The following TIMM50 variants were observed in gnomAD, a reference collection of about 807,000 sequenced individuals.
TIMM50 encodes the protein translocase of inner mitochondrial membrane 50.
A neutral mutation model predicts 49.6 loss-of-function variants in TIMM50; 34 were observed. The ratio of observed to expected loss-of-function variants is 0.69; its 90% CI spans 0.52 to 0.91. The LOEUF is 0.91. Ranked by LOEUF, TIMM50 falls within the 40% of genes least tolerant of loss-of-function variation. TIMM50 has a pLI of 0.00. For missense variants in TIMM50, 458 were observed against 477.8 expected, an observed-to-expected ratio of 0.96 and a Z score of 0.39; for synonymous variants, 199 against 198.4, an observed-to-expected ratio of 1.00 and a Z score of -0.03.
rs1215324178 is a variant in TIMM50 at position 39,491,665 on chromosome 19, C to A, written c.*1845C>A. On this transcript the variant is annotated 3_prime_UTR_variant, in exon 11 of 11. Coordinates refer to ENST00000607714, the MANE Select transcript of TIMM50 (RefSeq NM_001001563.5). ...TGAAATCCTGCCTCTAAAAAAAAAACAAAGTAACGAGCCCAGCGAGGTTAT... is the reference window on the plus strand; with the variant it reads ...TGAAATCCTGCCTCTAAAAAAAAAAAAAAGTAACGAGCCCAGCGAGGTTAT... The A allele has an allele frequency of 3.3e-5, 5 of 149,726 alleles. No homozygotes were observed. Among genetic ancestry groups the A allele is most frequent in the East Asian group, 2.0e-4 (1 of 4,962 alleles). The allele number at this position is 149,726 out of a possible 1,614,324, so 9.3% of individuals were successfully genotyped here.
At position 39,480,881 on chromosome 19, in the gene TIMM50, C is replaced by T. The variant is rs768161958; in HGVS notation, c.28C>T (p.Arg10Cys). Residue 10 changes from arginine (R) to cysteine (C), a missense_variant, in exon 1 of 11, where the codon CGC (arginine) becomes TGC (cysteine). Transcript: ENST00000607714. Reference protein sequence around the residue: MAASAAVFSRLRSGLRLGSR... With the variant: MAASAAVFSCLRSGLRLGSR... ...GGCGGCCTCGGCAGCGGTGTTCTCG[C>T]GCTTGCGAAGCGGGCTCCGGCTCGG... 53 of 1,599,568 alleles carry T rather than the reference C, an allele frequency of 3.3e-5. No individual in the cohort carries two copies. In the Middle Eastern group the frequency reaches 6.8e-4, roughly 20 times the overall value.
chr19:39,492,845 T>TG lies in TIMM50; in HGVS notation c.*3028dup, dbSNP rs1337515061. On this transcript the variant is annotated 3_prime_UTR_variant, in exon 11 of 11. Coordinates refer to ENST00000607714, the MANE Select transcript of TIMM50 (RefSeq NM_001001563.5). ...GAGATCACACCATTGCACTCCAGCC[T>TG]GGGCGACAGAGTAAGGCTCTGTCTC... The TG allele has an allele frequency of 9.1e-6, 1 of 109,324 alleles. No individual in the cohort carries two copies. Among genetic ancestry groups the TG allele is most frequent in the African/African-American group, 3.6e-5 (1 of 27,864 alleles). 6.8% of individuals were successfully genotyped at this position (109,324 alleles called of 1,614,324 possible).
chr19:39,483,062 GATT>G (rs1201231256), intron 3 of TIMM50, 70 bp from the exon 4 acceptor site: 5 of 1,611,142 alleles, frequency 3.1e-6, no homozygotes, highest in Non-Finnish European at 4.2e-6. Context: ...GGGTCCTGGA[GATT>G]CCTTTTCTGT....
At chr19:39,481,792 G>T in intron 1 of TIMM50, 91 bp from the exon 2 acceptor site, 1 of 1,501,252 alleles carries the variant, frequency 6.7e-7, no homozygotes, top group South Asian at 1.2e-5. Flanking sequence ...TCTGCCTCTT[G>T]GCTCCTGAAC....
At chr19:39,483,483 T>C in intron 4 of TIMM50, 8 of 331,526 alleles carry the variant, frequency 2.4e-5, no homozygotes, top group South Asian at 6.2e-5. Context: ...TCCTTCCCCA[T>C]CCCCCTCGAG....
rs1409955070 is a variant in TIMM50 at position 39,491,947 on chromosome 19, G to C, written c.*2127G>C. On this transcript the variant is annotated 3_prime_UTR_variant, in exon 11 of 11. Coordinates refer to ENST00000607714, the MANE Select transcript of TIMM50 (RefSeq NM_001001563.5). ...GCTCACTGCAGTGTTGAACTTCTGG[G>C]CTCAAACAATCTTCCTGCCTTGGCC... 6.6e-6 allele frequency: 1 copy of C among 151,772 alleles called. No individual in the cohort carries two copies. Among genetic ancestry groups the C allele is most frequent in the South Asian group, 2.1e-4 (1 of 4,814 alleles). 9.4% of individuals were successfully genotyped at this position (151,772 alleles called of 1,614,324 possible). A position where few individuals can be genotyped will look rare whatever the true frequency, so the allele number is the denominator to read the frequency against.
In TIMM50 at chr19:39,486,173, C is replaced by G; in HGVS notation, c.493-14C>G. ...CTGGGTCTTGGTGTTTCACTGTCCT[C>G]ACTGTCTTCCCAGCTGGCCACTGGC... On this transcript the variant is annotated splice_polypyrimidine_tract_variant and intron_variant, in intron 6 of 10. Coordinates refer to ENST00000607714, the MANE Select transcript of TIMM50 (RefSeq NM_001001563.5). 6.2e-7 allele frequency: 1 copy of G among 1,613,666 alleles called. No individual in the cohort carries two copies. The highest frequency in any genetic ancestry group is 1.1e-5 in the South Asian group (1 of 91,078).
At chr19:39,483,246 C>T (rs1358906664) in intron 4 of TIMM50, 90 bp downstream of exon 4, 1 of 1,550,114 alleles carries the variant, frequency 6.5e-7, no homozygotes, top group Non-Finnish European at 8.9e-7. Context: ...GTGTCTCCGG[C>T]CCCTCCTCCT....
chr19:39,488,002 C>T, intron 8 of TIMM50, 59 bp from the exon 9 acceptor site: 1 of 1,562,846 alleles, frequency 6.4e-7, no homozygotes, highest in Non-Finnish European at 8.7e-7. Flanking sequence ...TGTTTTGGGT[C>T]TTCTTGATGG....
Position 39,488,598 on chromosome 19 carries a change from G to T in TIMM50, c.913G>T (p.Asp305Tyr), listed in dbSNP as rs2079523745. Residue 305 changes from aspartate to tyrosine, a missense_variant, in exon 10 of 11, where the codon GAT becomes TAT. By Grantham distance (160) the Asp-to-Tyr change is radical. Transcript: ENST00000607714. ...CGTGCTGGAGCACTATGCCCTGGAG[G>T]ATGACCCGCTGGCGGCTTTCAAACA... ...RTVLEHYALE[D>Y]DPLAAFKQRQ... The T allele has an allele frequency of 1.1e-5, 18 of 1,613,496 alleles. No individual in the cohort carries two copies. The highest frequency in any genetic ancestry group is 1.4e-5 in the Non-Finnish European group (17 of 1,180,028).
At position 39,485,682 on chromosome 19, in the gene TIMM50, C is replaced by G; in HGVS notation, c.373-6C>G. The G allele has an allele frequency of 6.2e-7, 1 of 1,614,164 alleles. No individual in the cohort carries two copies. Among genetic ancestry groups the G allele is most frequent in the Non-Finnish European group, 8.5e-7 (1 of 1,180,042 alleles). ...TGAGCGCCCCCATCCTGTCCCTCTC[C>G]CACAGATGATCATCGAGCCCACCAG... On this transcript the variant is annotated splice_polypyrimidine_tract_variant and splice_region_variant and intron_variant, in intron 5 of 10. Coordinates refer to ENST00000607714, the MANE Select transcript of TIMM50 (RefSeq NM_001001563.5).
chr19:39,488,313 T>A, intron 9 of TIMM50, 96 bp downstream of exon 9: 1 of 1,435,898 alleles, frequency 7.0e-7, no homozygotes, highest in Non-Finnish European at 9.5e-7. Context: ...GCGACTGAGG[T>A]GCAAGAGGTG....
In TIMM50 at chr19:39,484,673, A is replaced by G. The variant is rs141725055; in HGVS notation, c.314-871A>G. Reference sequence around the variant, plus strand: ...TAGTTCTGAACCACTGTTTTATGGTATATGGATGTGTTTATATATTTATTG... The same window carrying G: ...TAGTTCTGAACCACTGTTTTATGGTGTATGGATGTGTTTATATATTTATTG... On this transcript the variant is annotated intron_variant, in intron 4 of 10. Transcript: ENST00000607714. Among the ~76,000 whole-genome samples the G allele has an allele frequency of 2.5e-4, 38 of 152,300 alleles. 1 individual carries two copies. In the East Asian group the frequency reaches 6.0e-3, roughly 24 times the overall value.
rs1278277118 is a variant in TIMM50, at chr19:39,493,034, GTGA to G, written c.*3219_*3221del. 1.3e-5 allele frequency: 2 copies of G among 151,678 alleles called. No homozygotes were observed. Among genetic ancestry groups the G allele is most frequent in the African/African-American group, 4.8e-5 (2 of 41,266 alleles). The allele number at this position is 151,678 out of a possible 1,614,324, so 9.4% of individuals were successfully genotyped here. On this transcript the variant is annotated 3_prime_UTR_variant, in exon 11 of 11. Coordinates refer to ENST00000607714, the MANE Select transcript of TIMM50 (RefSeq NM_001001563.5). ...TCTAAGATGACCTTCTCTGGTGTGT[GTGA>G]TGATAATTAAAAGGCATTCAGAACT...
intron 4 of TIMM50, 178 bp downstream of exon 4, chr19:39,483,334 T>C (rs575636618): frequency 5.4e-5 from 36 of 667,314 alleles, no homozygotes; most frequent in Non-Finnish European, 8.5e-5. Context: ...CCCACTTCCC[T>C]GGCCCCTCAG....
chr19:39,483,450 A>C, intron 4 of TIMM50: 1 of 445,614 alleles, frequency 2.2e-6, no homozygotes, highest in South Asian at 3.7e-5. Flanking sequence ...TGTGCCTTAG[A>C]CCAAGCATCT....
Position 39,492,880 on chromosome 19 carries a change from A to AC in TIMM50, c.*3060_*3061insC, listed in dbSNP as rs1429634593. On this transcript the variant is annotated 3_prime_UTR_variant, in exon 11 of 11. Transcript: ENST00000607714. ...AGTAAGGCTCTGTCTCCAAAAAAAAAAAAAAAAAAAAACAAAAAAAAAACC... is the reference window on the plus strand; with the variant it reads ...AGTAAGGCTCTGTCTCCAAAAAAAAACAAAAAAAAAAAACAAAAAAAAAACC... The AC allele has an allele frequency of 4.2e-5, 6 of 143,478 alleles. No homozygotes were observed. In the East Asian group the frequency reaches 6.1e-4, roughly 15 times the overall value. 8.9% of individuals were successfully genotyped at this position (143,478 alleles called of 1,614,324 possible).
At chr19:39,488,466 A>G (rs2079522496) in intron 9 of TIMM50, 73 bp from the exon 10 acceptor site, 1 of 1,422,958 alleles carries the variant, frequency 7.0e-7, no homozygotes, top group South Asian at 1.2e-5. Context: ...CCAGTGCGGG[A>G]CGTTCCCCTC....
At chr19:39,486,568 T>C in intron 8 of TIMM50, 73 bp downstream of exon 8, 1 of 1,368,646 alleles carries the variant, frequency 7.3e-7, no homozygotes. Context: ...AGGGCCCAGC[T>C]CTGACCCTAG....
Sources: allele counts gnomAD v4.1 joint callset (sites outside exome capture counted in the v4.1 genomes callset), GRCh38; gene constraint gnomAD v4.1.1; transcripts MANE v1.5; gene names NCBI Gene and HGNC (gene_info 2026-07-23, HGNC 2026-07-21).